Variants in UTRN observed in about 807,000 individuals in gnomAD.
UTRN encodes the protein dystrophin-related protein 1.
UTRN carries 283 observed loss-of-function variants against 463.9 expected under a neutral mutation model. The ratio of observed to expected loss-of-function variants is 0.61; its 90% CI spans 0.55 to 0.67. The LOEUF (loss-of-function observed/expected upper bound fraction) is 0.67, where lower values mean the gene tolerates loss of function less well. Among genes scored for constraint, UTRN ranks in the 30% least tolerant of loss-of-function variants. UTRN has a pLI of 0.00. For synonymous variants in UTRN, 1,442 were observed against 1,431.5 expected, an observed-to-expected ratio of 1.01 and a Z score of -0.17; for missense variants, 3,922 against 4,084.3, an observed-to-expected ratio of 0.96 and a Z score of 1.08.
intron 28 of UTRN, among the ~76,000 whole-genome samples, chr6:144,487,032 A>G (rs913713527): frequency 6.6e-6 from 1 of 152,208 alleles, no homozygotes; most frequent in African/African-American, 2.4e-5. Flanking sequence ...ATTGTAGGAA[A>G]ATGACTACTT....
chr6:144,811,051 A>G (rs1246843296), intron 65 of UTRN, among the ~76,000 whole-genome samples: 1 of 152,206 alleles, frequency 6.6e-6, no homozygotes, highest in Non-Finnish European at 1.5e-5. Context: ...TTCAGTGAGA[A>G]GAATTACAAT....
chr6:144,471,050 G>A (rs1420722685), intron 23 of UTRN, among the ~76,000 whole-genome samples: 1 of 114,832 alleles, frequency 8.7e-6, no homozygotes, highest in Non-Finnish European at 1.8e-5. Context: ...GGGGGAGAGG[G>A]AGGGGGAGAG....
intron 51 of UTRN, among the ~76,000 whole-genome samples, chr6:144,586,156 T>C (rs373361243): frequency 9.9e-5 from 15 of 152,238 alleles, no homozygotes; most frequent in African/African-American, 3.6e-4. Context: ...CACGAGTAGA[T>C]ACTTGTGTAG....
In UTRN at chr6:144,479,918, A is replaced by G. The variant is rs115443109; in HGVS notation, c.3443A>G (p.Tyr1148Cys). The part of the protein sequence containing the change: ...QEWMTQAEEE[Y>C]LERDFEYKSP... ...TGGATGACCCAGGCCGAGGAAGAATATTTGGAGCGGGATTTTGAGTACAAG... is the reference window on the plus strand; with the variant it reads ...TGGATGACCCAGGCCGAGGAAGAATGTTTGGAGCGGGATTTTGAGTACAAG... Residue 1148 changes from tyrosine (Y) to cysteine (C), a missense_variant, in exon 26 of 75, where the codon TAT (tyrosine) becomes TGT (cysteine). By Grantham distance (194) the Tyr-to-Cys change is radical (BLOSUM62 -2). This residue lies in a region of UTRN where 2,349 missense variants were observed against 2,303.8 expected (regional missense o/e 1.02). Transcript: ENST00000367545. 26 of 1,614,172 alleles carry G rather than the reference A, an allele frequency of 1.6e-5. No individual in the cohort carries two copies. The East Asian group carries it at 4.5e-4, about 28-fold the overall frequency.
intron 54 of UTRN, among the ~76,000 whole-genome samples, chr6:144,743,208 A>G (rs1790296674): frequency 1.3e-5 from 2 of 152,236 alleles, no homozygotes; most frequent in Non-Finnish European, 2.9e-5. Flanking sequence ...GAAAGAAAAC[A>G]TTCTTGACAT....
chr6:144,820,565 A>G (rs1174492150), intron 65 of UTRN, among the ~76,000 whole-genome samples: 1 of 152,198 alleles, frequency 6.6e-6, no homozygotes, highest in African/African-American at 2.4e-5. Context: ...ACCAGCCAAT[A>G]GTTTGGAAAA....
At chr6:144,643,616 G>C (rs1029166705) in intron 51 of UTRN, among the ~76,000 whole-genome samples, 1 of 152,186 alleles carries the variant, frequency 6.6e-6, no homozygotes, top group African/African-American at 2.4e-5. Context: ...GGCCAACATG[G>C]TGAAACCCCA....
intron 56 of UTRN, among the ~76,000 whole-genome samples, chr6:144,753,060 T>C (rs534870206): frequency 6.6e-6 from 1 of 152,308 alleles, no homozygotes; most frequent in Middle Eastern, 3.4e-3. Flanking sequence ...ATGAACAAAG[T>C]GCATACTAAT....
intron 43 of UTRN, among the ~76,000 whole-genome samples, chr6:144,534,892 CAGA>C (rs2128603682): frequency 6.6e-6 from 1 of 152,148 alleles, no homozygotes; most frequent in Admixed American, 6.5e-5. Context: ...GCCTTCTAGG[CAGA>C]AGAAGTAAAA....
At chr6:144,706,764 A>G (rs936981341) in intron 53 of UTRN, 1 of 152,254 alleles carries the variant, frequency 6.6e-6, no homozygotes. Context: ...ATTTTTATGA[A>G]CATTTACAAA....
chr6:144,497,513 C>CA (rs527551923), intron 33 of UTRN, among the ~76,000 whole-genome samples: 14,104 of 110,600 alleles, frequency 0.13, 1,357 homozygotes, highest in African/African-American at 0.29. Context: ...CGTCTCTACT[C>CA]AAAAAAAAAA....
intron 52 of UTRN, among the ~76,000 whole-genome samples, chr6:144,680,589 C>T (rs1782105755): frequency 6.6e-6 from 1 of 152,108 alleles, no homozygotes; most frequent in African/African-American, 2.4e-5. Flanking sequence ...TATTTCTGTG[C>T]TTAAGGCATT....
At chr6:144,412,501 T>A (rs1783987893) in intron 3 of UTRN, among the ~76,000 whole-genome samples, 1 of 152,230 alleles carries the variant, frequency 6.6e-6, no homozygotes, top group East Asian at 1.9e-4. Context: ...GATTCTAATT[T>A]GAAAAGGTTT....
chr6:144,332,527 A>G (rs1776409351), intron 2 of UTRN, among the ~76,000 whole-genome samples: 1 of 152,178 alleles, frequency 6.6e-6, no homozygotes, highest in African/African-American at 2.4e-5. Flanking sequence ...TATTACCTCA[A>G]AGTAAAACAA....
chr6:144,517,697 C>A (rs1176467645), intron 39 of UTRN, among the ~76,000 whole-genome samples: 2 of 152,296 alleles, frequency 1.3e-5, no homozygotes, highest in South Asian at 4.1e-4. Flanking sequence ...ATACTTCCAA[C>A]TGTGTTTCAG....
chr6:144,756,635 G>A (rs935736454), intron 57 of UTRN, among the ~76,000 whole-genome samples: 1 of 152,106 alleles, frequency 6.6e-6, no homozygotes, highest in Non-Finnish European at 1.5e-5. Flanking sequence ...TGACCTATTA[G>A]CCTGGTGCCA....
rs550674819 is a variant in UTRN, at chr6:144,369,781, G to C, written c.80-33342G>C. Among the ~76,000 whole-genome samples, 5 of 152,290 alleles carry C rather than the reference G, an allele frequency of 3.3e-5. No individual in the cohort carries two copies. In the South Asian group the frequency reaches 1.0e-3, roughly 32 times the overall value. ...GGGAGGTAATTGAATTATGAGGGCA[G>C]GTTTTTCCCGTGCTATTCTTGTGAT... On this transcript the variant is annotated intron_variant, in intron 2 of 74. Transcript: ENST00000367545.
At chr6:144,344,228 C>T (rs771286047) in intron 2 of UTRN, 15 of 1,304,008 alleles carry the variant, frequency 1.2e-5, no homozygotes, top group African/African-American at 4.6e-5. Context: ...GCCTGGCAGC[C>T]ACCACGTTTC....
In UTRN at chr6:144,670,336, G is replaced by T. The variant is rs189384175; in HGVS notation, c.7480-8070G>T. ...TGGCCATTCTTGCAGGAGTAAGGGG[G>T]TATCACATTGTGGTTTTGATTTGCA... On this transcript the variant is annotated intron_variant, in intron 51 of 74. Coordinates refer to ENST00000367545, the MANE Select transcript of UTRN (RefSeq NM_007124.3). Among the ~76,000 whole-genome samples the T allele has an allele frequency of 5.0e-3, 755 of 152,116 alleles. 9 individuals are homozygous for T. The highest frequency in any genetic ancestry group is 0.017 in the African/African-American group (712 of 41,500).
Sources: allele counts gnomAD v4.1 joint callset (sites outside exome capture counted in the v4.1 genomes callset), GRCh38; gene constraint gnomAD v4.1.1; regional missense constraint gnomAD v4.1.1; transcripts MANE v1.5; gene names NCBI Gene and HGNC (gene_info 2026-07-23, HGNC 2026-07-21).